MROH1: variants seen among roughly 807,000 people sequenced by gnomAD.
MROH1 encodes the protein maestro heat like repeat family member 1.
Under a neutral mutation model 116.5 loss-of-function variants are expected in MROH1, and 117 were observed. The ratio of observed to expected loss-of-function variants is 1.00; its 90% CI spans 0.86 to 1.17. The LOEUF is 1.17. Ranked by LOEUF, MROH1 falls within the 50% of genes most tolerant of loss-of-function variation. The probability of loss-of-function intolerance (pLI) is 0.00; values close to 1 mark genes in which losing one functional copy is unlikely to be tolerated. For missense variants in MROH1, 1,873 were observed against 1,338.5 expected, an observed-to-expected ratio of 1.40 and a Z score of -6.23; for synonymous variants, 921 against 583.9, an observed-to-expected ratio of 1.58 and a Z score of -8.32.
chr8:144,227,570 G>A lies in MROH1; in HGVS notation c.1338+4340G>A, dbSNP rs1588338569. Among the ~76,000 whole-genome samples the A allele has an allele frequency of 3.3e-5, 5 of 152,040 alleles. No homozygotes were observed. The South Asian group carries it at 8.3e-4, about 25-fold the overall frequency. ...TGAGGCAGGAAGATCACTGGAGCCT[G>A]GGAGGCAGAGGTTGCAGTGAGCCAA... On this transcript the variant is annotated intron_variant, in intron 14 of 43. Coordinates refer to ENST00000326134, the MANE Select transcript of MROH1 (RefSeq NM_032450.3).
intron 14 of MROH1, among the ~76,000 whole-genome samples, chr8:144,234,497 C>CATTTTTT (rs1554823930): frequency 4.8e-5 from 1 of 20,630 alleles, no homozygotes; most frequent in Non-Finnish European, 1.1e-4. Context: ...CTTTCTTTTT[C>CATTTTTT]GTTTTTTTTT....
rs1306668467 is a variant in MROH1 at position 144,244,311 on chromosome 8, A to G, written c.2645A>G (p.Lys882Arg). 14 of 720,066 alleles carry G rather than the reference A, an allele frequency of 1.9e-5. No homozygotes were observed. In the East Asian group the frequency reaches 2.4e-4, roughly 12 times the overall value. 44.6% of individuals were successfully genotyped at this position (720,066 alleles called of 1,614,324 possible). A position where few individuals can be genotyped will look rare whatever the true frequency, so the allele number is the denominator to read the frequency against. ...HSIMALLPEPKEEDGGCQKSL... is the reference protein window; with the variant it reads ...HSIMALLPEPREEDGGCQKSL... ...ATCATGGCCCTGCTGCCTGAGCCCA[A>G]GGAGGAGGACGGAGGCTGCCAGAAG... The change falls in exon 27 of 44, where the codon AAG becomes AGG. Residue 882 changes from lysine (K) to arginine (R), a missense_variant. Transcript: ENST00000326134.
chr8:144,231,269 T>C (rs1785285184), intron 14 of MROH1, among the ~76,000 whole-genome samples: 1 of 151,986 alleles, frequency 6.6e-6, no homozygotes, highest in Admixed American at 6.6e-5. Context: ...TTCCCGCCTT[T>C]CTATTCCACA....
chr8:144,222,402 C>A (rs1343280467), intron 13 of MROH1, among the ~76,000 whole-genome samples: 1 of 152,138 alleles, frequency 6.6e-6, no homozygotes, highest in Non-Finnish European at 1.5e-5. Flanking sequence ...TCCCTACGGA[C>A]CTGAGCACAT....
intron 4 of MROH1, among the ~76,000 whole-genome samples, chr8:144,171,960 T>TG (rs1422842584): frequency 3.9e-5 from 6 of 152,210 alleles, no homozygotes; most frequent in Non-Finnish European, 8.8e-5. Context: ...TGCTCCCTTT[T>TG]GGAGTTTGGA....
chr8:144,155,477 G>A (rs1423351848), intron 1 of MROH1, among the ~76,000 whole-genome samples: 1 of 151,822 alleles, frequency 6.6e-6, no homozygotes, highest in Non-Finnish European at 1.5e-5. Context: ...TCTAGACTAC[G>A]TTTGTCCATA....
At chr8:144,204,451 A>G (rs950045360) in intron 12 of MROH1, among the ~76,000 whole-genome samples, 19 of 152,224 alleles carry the variant, frequency 1.2e-4, no homozygotes, top group African/African-American at 3.4e-4. Flanking sequence ...GAAGTATAAT[A>G]CACATACAGA....
chr8:144,188,528 G>A (rs557616158), intron 7 of MROH1, among the ~76,000 whole-genome samples: 10 of 127,986 alleles, frequency 7.8e-5, no homozygotes, highest in African/African-American at 2.3e-4. Context: ...AGTGCATGGC[G>A]TGATCTCAGC....
At chr8:144,166,443 G>T (rs1820854091) in intron 3 of MROH1, among the ~76,000 whole-genome samples, 1 of 152,220 alleles carries the variant, frequency 6.6e-6, no homozygotes, top group South Asian at 2.1e-4. Flanking sequence ...TCTGGGGTCC[G>T]CTCGGGCTGC....
rs373174190 is a variant in MROH1 at position 144,168,341 on chromosome 8, G to C, written c.69G>C (p.Leu23=). ...LLDAITDKDP[L]VQEQVCSALC... The stretch of plus-strand genomic sequence containing the variant: ...ACGCCATCACCGATAAGGACCCCCT[G>C]GTGCAGGAGCAGGTCTGCAGTGCCC... The change falls in exon 4 of 44, where the codon CTG becomes CTC. Residue 23 remains leucine, a synonymous_variant. Coordinates refer to ENST00000326134, the MANE Select transcript of MROH1 (RefSeq NM_032450.3). 1.2e-6 allele frequency: 2 copies of C among 1,610,436 alleles called. No homozygotes were observed. Among genetic ancestry groups the C allele is most frequent in the African/African-American group, 1.3e-5 (1 of 74,910 alleles).
chr8:144,206,248 G>C (rs999986562), intron 12 of MROH1, among the ~76,000 whole-genome samples: 4 of 152,190 alleles, frequency 2.6e-5, no homozygotes, highest in African/African-American at 9.7e-5. Context: ...TCTGCCTGCT[G>C]TTGAGTTCCA....
At chr8:144,231,476 A>G (rs1386824727) in intron 14 of MROH1, among the ~76,000 whole-genome samples, 1 of 152,100 alleles carries the variant, frequency 6.6e-6, no homozygotes, top group African/African-American at 2.4e-5. Context: ...TAGGGTTTTA[A>G]TTGGACTAAT....
chr8:144,255,831 G>T (rs889750363), intron 35 of MROH1, 126 bp downstream of exon 35: 1 of 638,132 alleles, frequency 1.6e-6, no homozygotes, highest in Middle Eastern at 4.1e-4. Flanking sequence ...TTTGCTTCCA[G>T]GGAGCTGGCG....
At chr8:144,226,054 G>A (rs7388576) in intron 14 of MROH1, among the ~76,000 whole-genome samples, 150,606 of 151,576 alleles carry the variant, frequency 0.99, 74,829 homozygotes, top group Middle Eastern at 1. Context: ...AGCTGGGATT[G>A]CAGACGTGCA....
chr8:144,182,757 A>G lies in MROH1; in HGVS notation c.562+2234A>G, dbSNP rs1825999664. 1.3e-5 allele frequency among the ~76,000 whole-genome samples: 2 copies of G among 152,074 alleles called. No individual in the cohort carries two copies. The highest frequency in any genetic ancestry group is 6.6e-5 in the Admixed American group (1 of 15,262). On this transcript the variant is annotated intron_variant, in intron 7 of 43. Transcript: ENST00000326134. The surrounding 1 kb of genome is among the most constrained non-coding windows in gnomAD (Gnocchi z 4.1). ...GGCACCCTAGAAAGAATGGACAGAGATGGGAGGTCAAGAGATGACGCAAAG... is the reference window on the plus strand; with the variant it reads ...GGCACCCTAGAAAGAATGGACAGAGGTGGGAGGTCAAGAGATGACGCAAAG...
intron 14 of MROH1, among the ~76,000 whole-genome samples, chr8:144,233,880 T>G (rs1839460715): frequency 6.6e-6 from 1 of 152,256 alleles, no homozygotes; most frequent in African/African-American, 2.4e-5. Context: ...TTTGGCTATT[T>G]TGGGTCCCTT....
At chr8:144,253,569 G>A (rs924620424) in intron 33 of MROH1, among the ~76,000 whole-genome samples, 16 of 152,290 alleles carry the variant, frequency 1.1e-4, no homozygotes, top group East Asian at 1.9e-4. Context: ...CCTTGCTGGC[G>A]CGTGCTGTGT....
At chr8:144,214,992 C>G (rs1175032857) in intron 12 of MROH1, among the ~76,000 whole-genome samples, 2 of 152,160 alleles carry the variant, frequency 1.3e-5, no homozygotes, top group Non-Finnish European at 2.9e-5. Context: ...TCTAGTCTTT[C>G]CACATTCTTC....
chr8:144,191,743 G>T lies in MROH1; in HGVS notation c.743G>T (p.Gly248Val). The T allele has an allele frequency of 6.2e-7, 1 of 1,612,972 alleles. No individual in the cohort carries two copies. ...KLRLAVVEAL[G>V]PMSHLLPSER... Reference sequence around the variant, plus strand: ...CGTCTTGCCGTGGTGGAGGCTCTGGGGCCTATGAGCCATCTGCTGCCCAGT... The same window carrying T: ...CGTCTTGCCGTGGTGGAGGCTCTGGTGCCTATGAGCCATCTGCTGCCCAGT... The change falls in exon 9 of 44, where the codon GGG (glycine) becomes GTG (valine). Residue 248 changes from glycine to valine, a missense_variant. By Grantham distance (109) the Gly-to-Val change is moderately radical (BLOSUM62 -3). Coordinates refer to ENST00000326134, the MANE Select transcript of MROH1 (RefSeq NM_032450.3).
Sources: allele counts gnomAD v4.1 joint callset (sites outside exome capture counted in the v4.1 genomes callset), GRCh38; gene constraint gnomAD v4.1.1; non-coding constraint Gnocchi (gnomAD v3.1); transcripts MANE v1.5; gene names NCBI Gene and HGNC (gene_info 2026-07-23, HGNC 2026-07-21).